The following PLEC variants were observed in gnomAD, a reference collection of about 807,000 sequenced individuals.
The protein encoded by PLEC is hemidesmosomal protein 1.
A neutral mutation model predicts 392.8 loss-of-function variants in PLEC; 216 were observed. The ratio of observed to expected loss-of-function variants is 0.55; its 90% confidence interval spans 0.49 to 0.62. The LOEUF (loss-of-function observed/expected upper bound fraction) is 0.62, where lower values mean the gene tolerates loss of function less well. PLEC is among the 20% of genes least tolerant of loss of function. The probability of loss-of-function intolerance (pLI) is 0.00; values close to 1 mark genes in which losing one functional copy is unlikely to be tolerated. For synonymous variants in PLEC, 3,621 were observed against 2,980.6 expected, an observed-to-expected ratio of 1.21 and a Z score of -7.00; for missense variants, 6,863 against 6,563.4, an observed-to-expected ratio of 1.05 and a Z score of -1.58.
chr8:143,918,884 C>G lies in PLEC; in HGVS notation c.10937G>C (p.Arg3646Pro), dbSNP rs562181035. The change falls in exon 32 of 32, where the codon CGC (arginine) becomes CCC (proline). Residue 3646 changes from arginine to proline, a missense_variant. Coordinates refer to ENST00000345136, the MANE Select transcript of PLEC (RefSeq NM_201384.3). ...GLASYDYVRR[R>P]LTAEDLFEAR... ...CTCGAACAGGTCCTCAGCCGTGAGG[C>G]GGCGGCGCACGTAGTCGTAGGAGGC... The G allele has an allele frequency of 1.2e-6, 2 of 1,612,262 alleles. No individual in the cohort carries two copies. Among genetic ancestry groups the G allele is most frequent in the Non-Finnish European group, 1.7e-6 (2 of 1,179,974 alleles).
intron 9 of PLEC, 40 bp from the exon 10 acceptor site, chr8:143,934,770 C>CATGAG: frequency 6.2e-7 from 1 of 1,612,020 alleles, no homozygotes; most frequent in Non-Finnish European, 8.5e-7. Flanking sequence ...GCCGGGCTCT[C>CATGAG]AGGGCAGGCC....
exon 1 of PLEC, chr8:143,950,688 T>C (rs1191745653): frequency 2.6e-6 from 4 of 1,568,384 alleles, no homozygotes; most frequent in Non-Finnish European, 3.4e-6. Context: ...TCCCGTGGCA[T>C]GAGCATGCCG....
intron 1 of PLEC, chr8:143,945,182 G>T (rs782435931): frequency 4.2e-6 from 2 of 472,298 alleles, no homozygotes; most frequent in South Asian, 3.2e-5. Flanking sequence ...CCCCACCGGT[G>T]GCCGGGACAG....
chr8:143,933,830 C>T (rs1284722957), intron 12 of PLEC, among the ~76,000 whole-genome samples, 168 bp downstream of exon 12: 1 of 152,322 alleles, frequency 6.6e-6, no homozygotes, highest in South Asian at 2.1e-4. Flanking sequence ...TAGCTGCACA[C>T]GAGGAGGGAG....
In PLEC at chr8:143,926,820, G is replaced by A. The variant is rs782703157; in HGVS notation, c.4008C>T (p.Phe1336=). ...CCATGCGCCGCAGAGTCTCGCTGAT[G>A]AACTTGATGTACTGGCTCGTCAGTG... ...LTTLTSQYIK[F]ISETLRRMEE... is the part of the protein sequence containing the mutation. The change falls in exon 30 of 32, where the codon TTC becomes TTT. Residue 1336 remains phenylalanine (F), a synonymous_variant. Transcript: ENST00000345136. The A allele has an allele frequency of 1.2e-5, 19 of 1,613,926 alleles. No homozygotes were observed. Among genetic ancestry groups the A allele is most frequent in the Admixed American group, 3.3e-5 (2 of 60,032 alleles).
At chr8:143,928,292 G>A (rs769764755) in intron 25 of PLEC, among the ~76,000 whole-genome samples, 51 of 152,250 alleles carry the variant, frequency 3.3e-4, no homozygotes, top group Non-Finnish European at 1.2e-4. Context: ...GGATGACAGC[G>A]GCATCCTGGT....
chr8:143,923,925 G>C lies in PLEC; in HGVS notation c.6004C>G (p.Arg2002Gly), dbSNP rs782502722. 8.8e-6 allele frequency: 14 copies of C among 1,594,886 alleles called. No individual in the cohort carries two copies. Among genetic ancestry groups the C allele is most frequent in the Middle Eastern group, 1.7e-4 (1 of 5,806 alleles). Residue 2002 changes from arginine to glycine, a missense_variant, in exon 31 of 32, where the codon CGG becomes GGG. Arg to Gly is a moderately radical substitution (Grantham distance 125). Transcript: ENST00000345136. The part of the protein sequence containing the change: ...KSLAAEEEAA[R>G]QRKAALEEVE... ...TCCTCCAGCGCCGCCTTCCGCTGCC[G>C]TGCGGCCTCCTCCTCGGCCGCCAGG...
upstream of PLEC, among the ~76,000 whole-genome samples, chr8:143,976,112 G>A (rs555370860): frequency 6.6e-6 from 1 of 152,358 alleles, no homozygotes; most frequent in African/African-American, 2.4e-5. Context: ...TGCAGCCGCA[G>A]CGGCGTGGGC....
rs782118607 is a variant in PLEC at position 143,919,528 on chromosome 8, C to T, written c.10293G>A (p.Lys3431=). 6.2e-7 allele frequency: 1 copy of T among 1,611,794 alleles called. No homozygotes were observed. The highest frequency in any genetic ancestry group is 8.5e-7 in the Non-Finnish European group (1 of 1,179,628). The change falls in exon 32 of 32, where the codon AAG becomes AAA. Residue 3431 remains lysine (K), a synonymous_variant. Transcript: ENST00000345136. ...ELHEQLLSAE[K]AVTGYRDPYS... is the part of the protein sequence containing the mutation. ...AGGGGTCTCTGTAGCCGGTGACGGC[C>T]TTCTCGGCAGACAGCAGCTGCTCGT...
chr8:143,924,481 C>T lies in PLEC; in HGVS notation c.5448G>A (p.Gln1816=). 2 of 1,542,064 alleles carry T rather than the reference C, an allele frequency of 1.3e-6. No individual in the cohort carries two copies. The highest frequency in any genetic ancestry group is 8.7e-7 in the Non-Finnish European group (1 of 1,152,742). The change falls in exon 31 of 32, where the codon CAG becomes CAA. Residue 1816 remains glutamine (Q), a synonymous_variant. Coordinates refer to ENST00000345136, the MANE Select transcript of PLEC (RefSeq NM_201384.3). ...LRALAEEAKR[Q]RQLAEEDAAR... ...CCGCGTCTTCCTCGGCCAGCTGCCGCTGCCGCTTGGCCTCTTCCGCCAGGG... is the reference window on the plus strand; with the variant it reads ...CCGCGTCTTCCTCGGCCAGCTGCCGTTGCCGCTTGGCCTCTTCCGCCAGGG...
At chr8:143,928,026 G>A (rs1554709261) in intron 25 of PLEC, 34 bp from the exon 26 acceptor site, 2 of 1,569,552 alleles carry the variant, frequency 1.3e-6, no homozygotes, top group South Asian at 2.3e-5. Flanking sequence ...GCCATGACAT[G>A]GGGCTCGAGC....
At chr8:143,967,235 C>T (rs1301231602) in intron 1 of PLEC, among the ~76,000 whole-genome samples, 2 of 151,584 alleles carry the variant, frequency 1.3e-5, no homozygotes, top group Non-Finnish European at 2.9e-5. Context: ...TGGTGGCGGG[C>T]GCCTGTAGTC....
exon 1 of PLEC, chr8:143,950,863 G>C: frequency 2.1e-6 from 3 of 1,418,184 alleles, no homozygotes; most frequent in Non-Finnish European, 2.8e-6. Context: ...TGCTGAGCGT[G>C]AGGGCGCGGG....
upstream of PLEC, among the ~76,000 whole-genome samples, chr8:143,940,941 T>C (rs1830350703): frequency 6.6e-6 from 1 of 152,170 alleles, no homozygotes. Flanking sequence ...GTGACCCTCT[T>C]GCTCTGCCTG....
chr8:143,949,814 C>T (rs1021579193), intron 1 of PLEC, among the ~76,000 whole-genome samples: 8 of 152,112 alleles, frequency 5.3e-5, no homozygotes, highest in African/African-American at 1.7e-4. Context: ...AGCACCTCCT[C>T]GCACACCCCC....
In PLEC at chr8:143,931,953, T is replaced by C. The variant is rs782627395; in HGVS notation, c.2162A>G (p.Asn721Ser). The C allele has an allele frequency of 6.2e-7, 1 of 1,606,814 alleles. No homozygotes were observed. The highest frequency in any genetic ancestry group is 1.7e-5 in the Admixed American group (1 of 59,604). The change falls in exon 18 of 32, where the codon AAC (asparagine) becomes AGC (serine). Residue 721 changes from asparagine to serine, a missense_variant. Transcript: ENST00000345136. ...GGTTCTCACCTGAAAGTAGGCAGCG[T>C]TCTCCTTCAGGTGTGCCTCGATACA... ...CCCIEAHLKENAAYFQFFSDV... is the reference protein window; with the variant it reads ...CCCIEAHLKESAAYFQFFSDV...
In PLEC at chr8:143,923,978, C is replaced by A. The variant is rs575072418; in HGVS notation, c.5951G>T (p.Arg1984Leu). The A allele has an allele frequency of 6.3e-7, 1 of 1,583,378 alleles. No individual in the cohort carries two copies. Among genetic ancestry groups the A allele is most frequent in the Non-Finnish European group, 8.5e-7 (1 of 1,171,066 alleles). The change falls in exon 31 of 32, where the codon CGT becomes CTT. Residue 1984 changes from arginine (R) to leucine (L), a missense_variant. Transcript: ENST00000345136. ...CTTCTGCACGCGCTCCTCAGCCTCA[C>A]GGCGCCGCCGCTCCTCCTCCGCCGC... Reference protein sequence around the residue: ...QLAAEEERRRREAEERVQKSL... With the variant: ...QLAAEEERRRLEAEERVQKSL...
Position 143,921,956 on chromosome 8 carries a change from G to C in PLEC, c.7865C>G (p.Ala2622Gly). The C allele has an allele frequency of 6.3e-7, 1 of 1,598,912 alleles. No homozygotes were observed. The highest frequency in any genetic ancestry group is 8.5e-7 in the Non-Finnish European group (1 of 1,179,780). The change falls in exon 32 of 32, where the codon GCC (alanine) becomes GGC (glycine). Residue 2622 changes from alanine to glycine, a missense_variant. Physicochemically the swap from Ala to Gly is moderately conservative, Grantham distance 60 (BLOSUM62 0). Transcript: ENST00000345136. The stretch of plus-strand genomic sequence containing the variant: ...CCGGCCATTGGGCAGGGTCTTTGTG[G>C]CAGCCACCTGCGAGGCAGTGACCTC... ...SEEVTASQVA[A>G]TKTLPNGRDA... is the part of the protein sequence containing the mutation.
In PLEC at chr8:143,918,284, T is replaced by G. The variant is rs782547573; in HGVS notation, c.11537A>C (p.Tyr3846Ser). ...GCGCTCGTCGGTGGACGGGTCCACG[T>G]AGCTGCGCACCTCGCTGGGCTCTGA... ...QLSEPSEVRS[Y>S]VDPSTDERLS... The change falls in exon 32 of 32, where the codon TAC becomes TCC. Residue 3846 changes from tyrosine to serine, a missense_variant. Tyr to Ser is a moderately radical substitution (Grantham distance 144). Coordinates refer to ENST00000345136, the MANE Select transcript of PLEC (RefSeq NM_201384.3). The G allele has an allele frequency of 6.3e-7, 1 of 1,593,242 alleles. No homozygotes were observed. The highest frequency in any genetic ancestry group is 1.7e-5 in the Admixed American group (1 of 59,376).
Sources: gnomAD v4.1 joint callset for allele counts (sites outside exome capture counted in the v4.1 genomes callset) on GRCh38, gnomAD v4.1.1 for gene constraint, MANE v1.5 for transcripts, NCBI Gene and HGNC (gene_info 2026-07-23, HGNC 2026-07-21) for gene names.